ZNF860: variants seen among roughly 807,000 people sequenced by gnomAD.
The protein encoded by ZNF860 is zinc finger protein 860.
For synonymous variants in ZNF860, 206 were observed against 248.9 expected, an observed-to-expected ratio of 0.83 and a Z score of 1.62; for missense variants, 641 against 759.2, an observed-to-expected ratio of 0.84 and a Z score of 1.83.
At position 31,989,652 on chromosome 3, in the gene ZNF860, G is replaced by C. The variant is rs111849538; in HGVS notation, c.573G>C (p.Thr191=). The C allele has an allele frequency of 6.2e-7, 1 of 1,614,036 alleles. No homozygotes were observed. The highest frequency in any genetic ancestry group is 8.5e-7 in the Non-Finnish European group (1 of 1,180,002). ...TCAACGATGCTTCCTCAGTTCTAAC[G>C]TCCCAAAGAATTTCTTCTAGGCCCA... The part of the protein sequence containing the change: ...KSINDASSVL[T]SQRISSRPKI... Residue 191 remains threonine, a synonymous_variant, in exon 2 of 2, where the codon ACG becomes ACC. Coordinates refer to ENST00000360311, the MANE Select transcript of ZNF860 (RefSeq NM_001137674.3).
In ZNF860 at chr3:31,991,266, G is replaced by A. The variant is rs559175151; in HGVS notation, c.*288G>A. The stretch of plus-strand genomic sequence containing the variant: ...TTTGAGACCATCCTGGCCAAAAGAC[G>A]TGAGCCACTTTTCCTAGCCTGTTTT... On this transcript the variant is annotated 3_prime_UTR_variant, in exon 2 of 2. Coordinates refer to ENST00000360311, the MANE Select transcript of ZNF860 (RefSeq NM_001137674.3). 3.9e-5 allele frequency: 13 copies of A among 333,628 alleles called. No homozygotes were observed. Among genetic ancestry groups the A allele is most frequent in the African/African-American group, 1.3e-4 (6 of 46,558 alleles). 20.7% of individuals were successfully genotyped at this position (333,628 alleles called of 1,614,324 possible).
rs948420228 is a variant in ZNF860 at position 31,990,708 on chromosome 3, T to G, written c.1629T>G (p.Cys543Trp). The change falls in exon 2 of 2, where the codon TGT (cysteine) becomes TGG (tryptophan). Residue 543 changes from cysteine to tryptophan, a missense_variant. Transcript: ENST00000360311. The part of the protein sequence containing the change: ...TGEKPYKCEE[C>W]DTVFSRKSHH... Reference sequence around the variant, plus strand: ...AGAAACCTTACAAATGTGAAGAATGTGACACAGTTTTCAGTCGCAAATCAC... The same window carrying G: ...AGAAACCTTACAAATGTGAAGAATGGGACACAGTTTTCAGTCGCAAATCAC... 1 of 1,613,984 alleles carries G rather than the reference T, an allele frequency of 6.2e-7. No individual in the cohort carries two copies. Among genetic ancestry groups the G allele is most frequent in the Non-Finnish European group, 8.5e-7 (1 of 1,179,980 alleles).
At chr3:31,987,641 C>T (rs1161822236) in intron 1 of ZNF860, among the ~76,000 whole-genome samples, 1 of 152,210 alleles carries the variant, frequency 6.6e-6, no homozygotes, top group Admixed American at 6.5e-5. Context: ...GTCTCTCATC[C>T]TCTAGCAGGC....
Position 31,988,818 on chromosome 3 carries a change from G to C in ZNF860, c.-262G>C, listed in dbSNP as rs1321741233. ...AGCCATGTGAGTGACCTTGGAAGTA[G>C]GTTGTCACCAGTCAAGCCTTGAGAT... On this transcript the variant is annotated 5_prime_UTR_variant, in exon 2 of 2. Coordinates refer to ENST00000360311, the MANE Select transcript of ZNF860 (RefSeq NM_001137674.3). 1.9e-6 allele frequency: 1 copy of C among 520,044 alleles called. No homozygotes were observed. Among genetic ancestry groups the C allele is most frequent in the Non-Finnish European group, 3.4e-6 (1 of 292,552 alleles). The allele number at this position is 520,044 out of a possible 1,614,324, so 32.2% of individuals were successfully genotyped here.
the ZNF860 span, among the ~76,000 whole-genome samples, chr3:32,003,751 G>A: frequency 3.3e-5 from 5 of 152,200 alleles, no homozygotes; most frequent in African/African-American, 1.2e-4. Flanking sequence ...GCAGGGCACT[G>A]CAGTGTGTGG....
At chr3:31,983,832 A>G (rs1213283644) in intron 1 of ZNF860, among the ~76,000 whole-genome samples, 1 of 152,216 alleles carries the variant, frequency 6.6e-6, no homozygotes, top group Non-Finnish European at 1.5e-5. Flanking sequence ...GAAAATACAT[A>G]ATAAGTTGGC....
At chr3:32,000,945 T>C in the ZNF860 span, among the ~76,000 whole-genome samples, 1 of 152,208 alleles carries the variant, frequency 6.6e-6, no homozygotes, top group Non-Finnish European at 1.5e-5. Context: ...AAGAAAAGAC[T>C]GTCCTTAACC....
At position 31,989,904 on chromosome 3, in the gene ZNF860, C is replaced by A. The variant is rs1315311799; in HGVS notation, c.825C>A (p.Cys275Ter). ...TTAATCAGAAGCGATACCTTGCATG[C>A]CATCATAGATGTCACACTGGTGAGA... ...KVFNQKRYLA[C>*]HHRCHTGEKP... Residue 275 changes from cysteine to a stop codon, truncating the protein, a stop_gained, in exon 2 of 2, where the codon TGC becomes TGA. Coordinates refer to ENST00000360311, the MANE Select transcript of ZNF860 (RefSeq NM_001137674.3). LOFTEE classifies it low-confidence loss of function (END_TRUNC). The A allele has an allele frequency of 1.4e-5, 23 of 1,614,076 alleles. No homozygotes were observed. Among genetic ancestry groups the A allele is most frequent in the Non-Finnish European group, 1.9e-5 (22 of 1,180,020 alleles).
Position 31,991,530 on chromosome 3 carries a change from T to C in ZNF860, c.*552T>C, listed in dbSNP as rs1480950696. ...TCTCTAGCAAATGGAAGTGTTTTCT[T>C]AATTTTCTTTTAACATTGTTTATTG... On this transcript the variant is annotated 3_prime_UTR_variant, in exon 2 of 2. Coordinates refer to ENST00000360311, the MANE Select transcript of ZNF860 (RefSeq NM_001137674.3). The C allele has an allele frequency of 6.0e-6, 1 of 166,900 alleles. No individual in the cohort carries two copies. The highest frequency in any genetic ancestry group is 1.9e-4 in the East Asian group (1 of 5,208). The allele number at this position is 166,900 out of a possible 1,614,324, so 10.3% of individuals were successfully genotyped here. A position where few individuals can be genotyped will look rare whatever the true frequency, so the allele number is the denominator to read the frequency against.
downstream of ZNF860, among the ~76,000 whole-genome samples, chr3:31,992,738 A>C (rs1699047761): frequency 6.6e-6 from 1 of 152,182 alleles, no homozygotes; most frequent in South Asian, 2.1e-4. Context: ...TCATGCCTGT[A>C]ATCCCAGCAC....
rs574843021 is a variant in ZNF860 at position 31,988,784 on chromosome 3, C to G, written c.-296C>G. On this transcript the variant is annotated 5_prime_UTR_variant, in exon 2 of 2. Coordinates refer to ENST00000360311, the MANE Select transcript of ZNF860 (RefSeq NM_001137674.3). Reference sequence around the variant, plus strand: ...CACCTTATAAGCAGATTTTCTGAGACCTGCTAACAGCCATGTGAGTGACCT... The same window carrying G: ...CACCTTATAAGCAGATTTTCTGAGAGCTGCTAACAGCCATGTGAGTGACCT... 2.3e-6 allele frequency: 1 copy of G among 434,574 alleles called. No homozygotes were observed. The highest frequency in any genetic ancestry group is 4.1e-5 in the East Asian group (1 of 24,154). The allele number at this position is 434,574 out of a possible 1,614,324, so 26.9% of individuals were successfully genotyped here. A position where few individuals can be genotyped will look rare whatever the true frequency, so the allele number is the denominator to read the frequency against.
Position 31,988,978 on chromosome 3 carries a change from T to G in ZNF860, c.-102T>G. ...GTGTTTGTTGCCTTAAGCCACGAAG[T>G]TTGTGATAATTTGTTTCTCGGAAAC... On this transcript the variant is annotated 5_prime_UTR_variant, in exon 2 of 2. Coordinates refer to ENST00000360311, the MANE Select transcript of ZNF860 (RefSeq NM_001137674.3). 1 of 1,488,664 alleles carries G rather than the reference T, an allele frequency of 6.7e-7. No homozygotes were observed. The highest frequency in any genetic ancestry group is 9.1e-7 in the Non-Finnish European group (1 of 1,094,464). The allele number at this position is 1,488,664 out of a possible 1,614,324, so 92.2% of individuals were successfully genotyped here. A position where few individuals can be genotyped will look rare whatever the true frequency, so the allele number is the denominator to read the frequency against.
chr3:31,985,788 T>C (rs1232024036), intron 1 of ZNF860, among the ~76,000 whole-genome samples: 3 of 152,222 alleles, frequency 2.0e-5, no homozygotes, highest in Non-Finnish European at 4.4e-5. Flanking sequence ...TAATAGCTAA[T>C]GTATATTGAG....
Position 31,990,905 on chromosome 3 carries a change from G to A in ZNF860, c.1826G>A (p.Arg609His), listed in dbSNP as rs4955216. The change falls in exon 2 of 2, where the codon CGC becomes CAC. Residue 609 changes from arginine (R) to histidine (H), a missense_variant. By Grantham distance (29) the Arg-to-His change is conservative. Transcript: ENST00000360311. ...AAAGCCTTTACTTCACATTCACATC[G>A]CATTAGACATCAGAGAATCCATACC... ...CGKAFTSHSHRIRHQRIHTGQ... is the reference protein window; with the variant it reads ...CGKAFTSHSHHIRHQRIHTGQ... 2.5e-5 allele frequency: 39 copies of A among 1,573,996 alleles called. No individual in the cohort carries two copies. In the Admixed American group the frequency reaches 4.3e-4, roughly 17 times the overall value.
chr3:31,996,647 A>C (rs1271010381), downstream of ZNF860, among the ~76,000 whole-genome samples: 2 of 152,322 alleles, frequency 1.3e-5, no homozygotes, highest in Non-Finnish European at 2.9e-5. Flanking sequence ...TTTCAGAAAG[A>C]AGCTGTTGCC....
chr3:31,983,879 G>C (rs914249736), intron 1 of ZNF860, among the ~76,000 whole-genome samples: 2 of 152,208 alleles, frequency 1.3e-5, no homozygotes, highest in Non-Finnish European at 2.9e-5. Context: ...ATGCCCAACA[G>C]TTTCATCTTG....
At chr3:31,988,429 G>C (rs1698973289) in intron 1 of ZNF860, among the ~76,000 whole-genome samples, 1 of 152,148 alleles carries the variant, frequency 6.6e-6, no homozygotes, top group Non-Finnish European at 1.5e-5. Context: ...CCAGAGGGTA[G>C]ACTGTAGTGA....
chr3:31,984,596 T>C (rs1698907767), intron 1 of ZNF860, among the ~76,000 whole-genome samples: 1 of 152,134 alleles, frequency 6.6e-6, no homozygotes, highest in South Asian at 2.1e-4. Context: ...TGGTGTTATC[T>C]ATAGGAGTGA....
At chr3:31,984,841 G>A (rs909380053) in intron 1 of ZNF860, among the ~76,000 whole-genome samples, 3 of 152,200 alleles carry the variant, frequency 2.0e-5, no homozygotes, top group East Asian at 1.9e-4. Flanking sequence ...GCCTGTGCCC[G>A]GGAATGAACA....
Sources: gnomAD v4.1 joint callset for allele counts (sites outside exome capture counted in the v4.1 genomes callset) on GRCh38, gnomAD v4.1.1 for gene constraint, MANE v1.5 for transcripts, NCBI Gene and HGNC (gene_info 2026-07-23, HGNC 2026-07-21) for gene names.